Variants in RAB3C observed in about 807,000 individuals in gnomAD.
RAB3C encodes RAB3C, member RAS oncogene family, also known as ras-related protein Rab-3C.
Under a neutral mutation model 26.4 loss-of-function variants are expected in RAB3C, and 17 were observed. The ratio of observed to expected loss-of-function variants is 0.64; its 90% CI spans 0.44 to 0.97. The LOEUF is 0.97. Among genes scored for constraint, RAB3C ranks in the 50% least tolerant of loss-of-function variants. The pLI, the probability that RAB3C is intolerant of heterozygous loss-of-function variation, is 0.00. For synonymous variants in RAB3C, 91 were observed against 95.9 expected (o/e 0.95, Z 0.30); for missense variants, 242 against 281.9 (o/e 0.86, Z 1.01).
chr5:58,722,159 A>AT (rs1740784007), intron 2 of RAB3C, among the ~76,000 whole-genome samples: 1 of 151,910 alleles, frequency 6.6e-6, no homozygotes, highest in African/African-American at 2.4e-5. Context: ...TTAACATCTT[A>AT]TGAAAATGGG....
intron 3 of RAB3C, among the ~76,000 whole-genome samples, chr5:58,763,101 A>T (rs888859789): frequency 3.3e-5 from 5 of 152,244 alleles, no homozygotes; most frequent in African/African-American, 4.8e-5. Flanking sequence ...GGCAGAACTT[A>T]CAGAGCTACC....
Position 58,856,581 on chromosome 5 carries a change from G to C in RAB3C, c.*5230G>C, listed in dbSNP as rs981718230. 2.0e-5 allele frequency: 3 copies of C among 152,182 alleles called. No individual in the cohort carries two copies. The highest frequency in any genetic ancestry group is 7.2e-5 in the African/African-American group (3 of 41,442). The allele number at this position is 152,182 out of a possible 1,614,324, so 9.4% of individuals were successfully genotyped here. A position where few individuals can be genotyped will look rare whatever the true frequency, so the allele number is the denominator to read the frequency against. On this transcript the variant is annotated 3_prime_UTR_variant, in exon 5 of 5. Transcript: ENST00000282878. Reference sequence around the variant, plus strand: ...GCTGAAATGAGGTTTGAGGTTACCTGTGTATTTCATTCACCTGTGTTAATA... The same window carrying C: ...GCTGAAATGAGGTTTGAGGTTACCTCTGTATTTCATTCACCTGTGTTAATA...
chr5:58,673,702 T>C (rs1403028885), intron 2 of RAB3C, among the ~76,000 whole-genome samples: 2 of 152,232 alleles, frequency 1.3e-5, no homozygotes, highest in Non-Finnish European at 2.9e-5. Flanking sequence ...TTGGATTTGC[T>C]TCTCTTAAAT....
chr5:58,771,845 TTTTC>T (rs1325487281), intron 3 of RAB3C, among the ~76,000 whole-genome samples: 1 of 149,746 alleles, frequency 6.7e-6, no homozygotes, highest in African/African-American at 2.5e-5. Context: ...TTCTTTTTCT[TTTTC>T]TTTTTTTTTT....
At chr5:58,835,817 G>T (rs533120999) in intron 4 of RAB3C, among the ~76,000 whole-genome samples, 8 of 152,276 alleles carry the variant, frequency 5.3e-5, no homozygotes, top group African/African-American at 1.4e-4. Context: ...GCAGTATTTG[G>T]ATTTGGATTT....
rs1037903804 is a variant in RAB3C at position 58,854,282 on chromosome 5, C to T, written c.*2931C>T. 6.6e-6 allele frequency: 1 copy of T among 152,028 alleles called. No individual in the cohort carries two copies. Among genetic ancestry groups the T allele is most frequent in the Admixed American group, 6.6e-5 (1 of 15,252 alleles). 9.4% of individuals were successfully genotyped at this position (152,028 alleles called of 1,614,324 possible). ...ATTTATTTTCCTTTGCTACTCATTA[C>T]CTGACCACTTTCACTCCTCTAGATA... is the stretch of plus-strand genomic sequence containing the variant. On this transcript the variant is annotated 3_prime_UTR_variant, in exon 5 of 5. Transcript: ENST00000282878.
intron 3 of RAB3C, among the ~76,000 whole-genome samples, chr5:58,812,505 A>G (rs1354411568): frequency 6.6e-6 from 1 of 152,226 alleles, no homozygotes; most frequent in Non-Finnish European, 1.5e-5. Flanking sequence ...TGTCTTGTGC[A>G]CTGTTGTTTA....
At chr5:58,778,791 T>C (rs1393651203) in intron 3 of RAB3C, among the ~76,000 whole-genome samples, 1 of 152,142 alleles carries the variant, frequency 6.6e-6, no homozygotes, top group Admixed American at 6.6e-5. Context: ...AAGTTTAGAC[T>C]CCTCTTCCAT....
chr5:58,648,655 C>T (rs959327236), intron 2 of RAB3C, among the ~76,000 whole-genome samples: 2 of 152,086 alleles, frequency 1.3e-5, no homozygotes, highest in East Asian at 3.8e-4. Flanking sequence ...CAAGTCTGAA[C>T]TTAGAATTTG....
intron 2 of RAB3C, among the ~76,000 whole-genome samples, chr5:58,652,893 T>C (rs1747688852): frequency 6.6e-6 from 1 of 152,168 alleles, no homozygotes; most frequent in South Asian, 2.1e-4. Context: ...TTAGAAAAAT[T>C]CGATAACTTT....
At chr5:58,830,823 C>T (rs1277203470) in intron 4 of RAB3C, among the ~76,000 whole-genome samples, 4 of 152,142 alleles carry the variant, frequency 2.6e-5, no homozygotes, top group Non-Finnish European at 5.9e-5. Flanking sequence ...TCCATAACCA[C>T]CAAGCTCCAC....
intron 2 of RAB3C, among the ~76,000 whole-genome samples, chr5:58,640,688 G>C (rs1251583759): frequency 6.6e-6 from 1 of 152,126 alleles, no homozygotes; most frequent in East Asian, 1.9e-4. Context: ...GTGGCCAAAG[G>C]ATACTGAAAT....
chr5:58,687,194 C>T (rs189331267), intron 2 of RAB3C, among the ~76,000 whole-genome samples: 1 of 152,154 alleles, frequency 6.6e-6, no homozygotes, highest in East Asian at 1.9e-4. Context: ...TTGTTTTGCC[C>T]ACCCACAAGA....
At chr5:58,761,943 G>T (rs1474830243) in intron 3 of RAB3C, among the ~76,000 whole-genome samples, 1 of 150,936 alleles carries the variant, frequency 6.6e-6, no homozygotes, top group African/African-American at 2.4e-5. Context: ...ATAATGTTTA[G>T]TAAAATAATA....
chr5:58,731,964 G>C (rs776747072), intron 3 of RAB3C, among the ~76,000 whole-genome samples: 1 of 152,212 alleles, frequency 6.6e-6, no homozygotes, highest in African/African-American at 2.4e-5. Flanking sequence ...AGCCCTTGCA[G>C]AAGTGGTTAG....
At chr5:58,764,265 A>G (rs903278710) in intron 3 of RAB3C, among the ~76,000 whole-genome samples, 2 of 151,412 alleles carry the variant, frequency 1.3e-5, no homozygotes, top group Admixed American at 1.3e-4. Context: ...ATGTTTCTTA[A>G]TCTAGCCTCC....
intron 2 of RAB3C, among the ~76,000 whole-genome samples, chr5:58,700,133 A>T (rs1748811022): frequency 1.3e-5 from 2 of 152,206 alleles, no homozygotes; most frequent in African/African-American, 4.8e-5. Flanking sequence ...AATTAAATTG[A>T]AAGGTAGACC....
intron 2 of RAB3C, among the ~76,000 whole-genome samples, chr5:58,684,870 G>C (rs910421350): frequency 6.6e-6 from 1 of 152,196 alleles, no homozygotes; most frequent in Non-Finnish European, 1.5e-5. Context: ...GGTCAAAAAA[G>C]ACAGTGATGC....
At chr5:58,825,568 C>T (rs1743456948) in intron 4 of RAB3C, among the ~76,000 whole-genome samples, 4 of 152,186 alleles carry the variant, frequency 2.6e-5, no homozygotes, top group Admixed American at 2.0e-4. Context: ...GAATAGGTCA[C>T]ATCCTAGATT....
Sources: allele counts gnomAD v4.1 joint callset (sites outside exome capture counted in the v4.1 genomes callset), GRCh38; gene constraint gnomAD v4.1.1; transcripts MANE v1.5; gene names NCBI Gene and HGNC (gene_info 2026-07-23, HGNC 2026-07-21).